Variants in ABCA10 observed in about 807,000 individuals in gnomAD.
ABCA10 encodes the protein ATP binding cassette subfamily A member 10, also known as ATP-binding cassette sub-family A member 10.
In ABCA10, 169 loss-of-function variants were observed where a neutral mutation model predicts 187.5. The ratio of observed to expected loss-of-function variants is 0.90; its 90% CI spans 0.80 to 1.02. ABCA10 has a LOEUF of 1.02. Among genes scored for constraint, ABCA10 ranks in the 50% least tolerant of loss-of-function variants. ABCA10 has a pLI of 0.00. For missense variants in ABCA10, 1,727 were observed against 1,812.4 expected (o/e 0.95, Z 0.86); for synonymous variants, 574 against 601.8 (o/e 0.95, Z 0.68).
intron 1 of ABCA10, chr17:69,233,966 T>C (rs1193402105): frequency 2.0e-5 from 3 of 152,244 alleles, no homozygotes; most frequent in Non-Finnish European, 4.4e-5. Context: ...AAGATGGATG[T>C]CCATCTCCTA....
At chr17:69,181,664 A>C (rs1054166100) in intron 22 of ABCA10, among the ~76,000 whole-genome samples, 5 of 151,964 alleles carry the variant, frequency 3.3e-5, no homozygotes, top group Non-Finnish European at 5.9e-5. Context: ...AATTTTAAAA[A>C]TTTAATTAGA....
intron 23 of ABCA10, 111 bp from the exon 24 acceptor site, chr17:69,174,888 T>G (rs1340233162): frequency 2.1e-6 from 2 of 944,842 alleles, no homozygotes; most frequent in Admixed American, 3.4e-5. Flanking sequence ...ATAGTGTCTG[T>G]GTGACAAAAA....
chr17:69,163,146 A>AT (rs1321540083), intron 27 of ABCA10, among the ~76,000 whole-genome samples: 1 of 151,896 alleles, frequency 6.6e-6, no homozygotes, highest in East Asian at 1.9e-4. Context: ...CAAAATTTAT[A>AT]TTTTTTTATT....
intron 27 of ABCA10, among the ~76,000 whole-genome samples, chr17:69,158,548 T>C (rs986667852): frequency 6.6e-6 from 1 of 151,770 alleles, no homozygotes; most frequent in Non-Finnish European, 1.5e-5. Flanking sequence ...TAAAATAAAA[T>C]ACTAAAGTAT....
intron 1 of ABCA10, among the ~76,000 whole-genome samples, chr17:69,241,835 GA>G: frequency 6.6e-6 from 1 of 152,306 alleles, no homozygotes; most frequent in African/African-American, 2.4e-5. Context: ...CTAGTGCTTA[GA>G]AAAGTGCTTG....
intron 9 of ABCA10, among the ~76,000 whole-genome samples, chr17:69,206,710 G>T (rs757387228): frequency 6.6e-5 from 10 of 152,174 alleles, no homozygotes; most frequent in Non-Finnish European, 1.5e-4. Flanking sequence ...CTTTTCAATA[G>T]ATTTATTGGG....
chr17:69,192,748 G>C, intron 15 of ABCA10, 95 bp from the exon 16 acceptor site: 1 of 1,050,544 alleles, frequency 9.5e-7, no homozygotes, highest in Non-Finnish European at 1.4e-6. Flanking sequence ...AATGAAATTT[G>C]TAATATCAAT....
intron 37 of ABCA10, 133 bp from the exon 38 acceptor site, chr17:69,149,221 A>C: frequency 1.1e-6 from 1 of 931,574 alleles, no homozygotes. Context: ...CATTTTCTTG[A>C]AGGATAAAGA....
intron 1 of ABCA10, among the ~76,000 whole-genome samples, chr17:69,235,716 T>C (rs550573744): frequency 1.1e-4 from 16 of 152,126 alleles, no homozygotes; most frequent in African/African-American, 9.6e-5. Context: ...ACACCTTGCA[T>C]TGTGCTGCTT....
chr17:69,220,245 G>A (rs2074737768), intron 5 of ABCA10, among the ~76,000 whole-genome samples: 1 of 151,988 alleles, frequency 6.6e-6, no homozygotes, highest in Non-Finnish European at 1.5e-5. Flanking sequence ...TGGGGGAGGG[G>A]GGGTGGTTGA....
At chr17:69,193,749 CA>C (rs1164926975) in intron 13 of ABCA10, 64 bp downstream of exon 13, 24 of 1,574,910 alleles carry the variant, frequency 1.5e-5, no homozygotes, top group South Asian at 3.5e-5. Flanking sequence ...AATAGCTGAA[CA>C]AAAAAAATAT....
At chr17:69,210,568 T>A (rs960450884) in intron 9 of ABCA10, among the ~76,000 whole-genome samples, 3 of 149,510 alleles carry the variant, frequency 2.0e-5, no homozygotes, top group African/African-American at 7.5e-5. Context: ...TCTTTTATCC[T>A]TCAACCCCTC....
rs142796433 is a variant in ABCA10, at chr17:69,153,506, G to T, written c.4006C>A (p.Pro1336Thr). The change falls in exon 33 of 39, where the codon CCT becomes ACT. Residue 1336 changes from proline to threonine, a missense_variant. Pro to Thr is a conservative substitution (Grantham distance 38, BLOSUM62 -1). Coordinates refer to ENST00000690296, the MANE Select transcript of ABCA10 (RefSeq NM_001377321.1). ...ATTCCCTCTGATAGAGTTTTCACAGGAGCCTTAAGTTGTTCCTGGAGCTTA... is the reference window on the plus strand; with the variant it reads ...ATTCCCTCTGATAGAGTTTTCACAGTAGCCTTAAGTTGTTCCTGGAGCTTA... ...ALKLQEQLKA[P>T]VKTLSEGIKR... 18 of 1,613,974 alleles carry T rather than the reference G, an allele frequency of 1.1e-5. No homozygotes were observed. Among genetic ancestry groups the T allele is most frequent in the Non-Finnish European group, 1.5e-5 (18 of 1,180,010 alleles).
intron 25 of ABCA10, among the ~76,000 whole-genome samples, chr17:69,170,437 CAAAAAAA>C (rs71144658): frequency 1.8e-5 from 2 of 109,682 alleles, no homozygotes; most frequent in Admixed American, 9.0e-5. Flanking sequence ...TTTTACTCAT[CAAAAAAA>C]AAAAAAAAAA....
upstream of ABCA10, among the ~76,000 whole-genome samples, chr17:69,231,533 G>A (rs2074831957): frequency 2.6e-5 from 4 of 151,994 alleles, 1 homozygote; most frequent in South Asian, 8.3e-4. Context: ...CCCATTAGTG[G>A]CTCATGAGGA....
chr17:69,176,093 T>C (rs910273580), intron 22 of ABCA10, among the ~76,000 whole-genome samples: 1 of 152,166 alleles, frequency 6.6e-6, no homozygotes, highest in African/African-American at 2.4e-5. Context: ...ACTATTGTAC[T>C]TAGAGGGCAT....
chr17:69,174,515 A>G (rs1353352791), intron 24 of ABCA10, 92 bp downstream of exon 24: 2 of 1,457,900 alleles, frequency 1.4e-6, no homozygotes, highest in Non-Finnish European at 1.9e-6. Context: ...TGCATATTAC[A>G]TGCCTTTTGC....
At chr17:69,159,627 T>C (rs1489791842) in intron 27 of ABCA10, among the ~76,000 whole-genome samples, 1 of 152,154 alleles carries the variant, frequency 6.6e-6, no homozygotes, top group Non-Finnish European at 1.5e-5. Context: ...GAAAGTGTGA[T>C]GATGTAATCA....
At chr17:69,195,182 G>A (rs551222712) in intron 11 of ABCA10, among the ~76,000 whole-genome samples, 1 of 152,234 alleles carries the variant, frequency 6.6e-6, no homozygotes, top group Admixed American at 6.6e-5. Context: ...ATTCTCTGAA[G>A]ACAGAAAACA....
Sources: gnomAD v4.1 joint callset for allele counts (sites outside exome capture counted in the v4.1 genomes callset) on GRCh38, gnomAD v4.1.1 for gene constraint, MANE v1.5 for transcripts, NCBI Gene and HGNC (gene_info 2026-07-23, HGNC 2026-07-21) for gene names.